DLEU7: variants seen among roughly 807,000 people sequenced by gnomAD.
The protein encoded by DLEU7 is leukemia-associated protein 7.
A neutral mutation model predicts 16.0 loss-of-function variants in DLEU7; 17 were observed. That is an observed-to-expected ratio of 1.06 (90% CI 0.73 to 1.59). The LOEUF is 1.59. Ranked by LOEUF, DLEU7 falls within the 40% of genes most tolerant of loss-of-function variation. The pLI, the probability that DLEU7 is intolerant of heterozygous loss-of-function variation, is 0.00. For missense variants in DLEU7, 308 were observed against 314.9 expected (o/e 0.98, Z 0.17); for synonymous variants, 113 against 139.8 (o/e 0.81, Z 1.35).
At position 50,803,947 on chromosome 13, in the gene DLEU7, C is replaced by T. The variant is rs868390915; in HGVS notation, c.459+39241G>A. Among the ~76,000 whole-genome samples, 23 of 152,054 alleles carry T rather than the reference C, an allele frequency of 1.5e-4. 2 individuals carry two copies. In the South Asian group the frequency reaches 2.1e-3, roughly 14 times the overall value. ...TACTACAATACTTTTAAAACTTTTC[C>T]ATGGTGGGTCCTAGTATTTTTATAT... On this transcript the variant is annotated intron_variant, in intron 1 of 1. Coordinates refer to the DLEU7 transcript ENST00000400393.
At chr13:50,740,193 G>A (rs2706239) in intron 1 of DLEU7, among the ~76,000 whole-genome samples, 25,904 of 152,066 alleles carry the variant, frequency 0.17, 2,374 homozygotes, top group African/African-American at 0.24. Context: ...ATTCCATCCT[G>A]ATGATGGGCA....
chr13:50,819,925 A>T (rs576464436), downstream of DLEU7, among the ~76,000 whole-genome samples: 13 of 152,154 alleles, frequency 8.5e-5, no homozygotes, highest in Non-Finnish European at 1.9e-4. Flanking sequence ...AAAAGGACCA[A>T]AACTGAGCCC....
intron 1 of DLEU7, among the ~76,000 whole-genome samples, chr13:50,736,400 G>C (rs9562995): frequency 0.096 from 14,587 of 152,008 alleles, 836 homozygotes; most frequent in East Asian, 0.21. Flanking sequence ...TAACTATCGG[G>C]TACCAGGCTT....
chr13:50,743,690 C>A (rs1277769675), intron 1 of DLEU7, among the ~76,000 whole-genome samples: 1 of 152,178 alleles, frequency 6.6e-6, no homozygotes, highest in African/African-American at 2.4e-5. Flanking sequence ...GATTAAGGAT[C>A]TAAGAGAGTG....
At chr13:50,778,440 G>T (rs1355375539) in intron 1 of DLEU7, among the ~76,000 whole-genome samples, 1 of 152,160 alleles carries the variant, frequency 6.6e-6, no homozygotes, top group African/African-American at 2.4e-5. Context: ...TCCTCCATCT[G>T]CTGCTTCCTC....
intron 1 of DLEU7, among the ~76,000 whole-genome samples, chr13:50,715,969 C>T (rs1873428839): frequency 1.3e-5 from 2 of 152,252 alleles, no homozygotes; most frequent in Admixed American, 1.3e-4. Flanking sequence ...GCTTCCCCTC[C>T]ACACCCTGCT....
chr13:50,717,787 TC>T (rs1008432789), intron 1 of DLEU7, among the ~76,000 whole-genome samples: 5 of 152,160 alleles, frequency 3.3e-5, no homozygotes, highest in Admixed American at 2.0e-4. Context: ...ACACTATGTC[TC>T]CCTTTCTGTT....
intron 1 of DLEU7, among the ~76,000 whole-genome samples, chr13:50,719,230 C>T (rs1873526386): frequency 6.6e-6 from 1 of 152,130 alleles, no homozygotes; most frequent in African/African-American, 2.4e-5. Context: ...TAGAAAGTGC[C>T]TATATAGTAA....
At chr13:50,790,172 A>G (rs950607601) in intron 1 of DLEU7, among the ~76,000 whole-genome samples, 3 of 151,854 alleles carry the variant, frequency 2.0e-5, no homozygotes, top group Non-Finnish European at 4.4e-5. Context: ...GCCTCAAGTG[A>G]TCCACCCTCC....
At chr13:50,816,856 C>A (rs537632372) in intron 1 of DLEU7, among the ~76,000 whole-genome samples, 1 of 152,076 alleles carries the variant, frequency 6.6e-6, no homozygotes, top group Non-Finnish European at 1.5e-5. Flanking sequence ...GCTTAGTGTA[C>A]CTCTTCCCCT....
rs1873774225 is a variant in DLEU7 at position 50,726,791 on chromosome 13, G to A, written c.460-13551C>T. Reference sequence around the variant, plus strand: ...CTTGACCATGCCCCCTACCTTCCTGGGCCTCAGGAAATGAAGATGGAACCA... The same window carrying A: ...CTTGACCATGCCCCCTACCTTCCTGAGCCTCAGGAAATGAAGATGGAACCA... On this transcript the variant is annotated intron_variant, in intron 1 of 1. Transcript: ENST00000400393. The surrounding 1 kb of genome is among the most constrained non-coding windows in gnomAD (Gnocchi z 4.0). Among the ~76,000 whole-genome samples the A allele has an allele frequency of 6.6e-6, 1 of 151,968 alleles. No homozygotes were observed. Among genetic ancestry groups the A allele is most frequent in the Non-Finnish European group, 1.5e-5 (1 of 67,988 alleles).
chr13:50,832,787 G>A (rs530966888), intron 1 of DLEU7, among the ~76,000 whole-genome samples: 7 of 152,156 alleles, frequency 4.6e-5, no homozygotes, highest in African/African-American at 7.2e-5. Context: ...GTAGTTGTGC[G>A]GTTCTGAGTG....
chr13:50,836,726 G>A (rs541694139), intron 1 of DLEU7, among the ~76,000 whole-genome samples: 2 of 152,082 alleles, frequency 1.3e-5, no homozygotes, highest in Admixed American at 1.3e-4. Context: ...AAGGAGGCAA[G>A]GAAGGAAGAA....
intron 1 of DLEU7, among the ~76,000 whole-genome samples, chr13:50,782,121 T>G (rs1875665479): frequency 6.6e-6 from 1 of 152,174 alleles, no homozygotes; most frequent in African/African-American, 2.4e-5. Context: ...TAACACTCTC[T>G]TCCCTCCGTT....
chr13:50,797,403 A>G (rs1365597968), intron 1 of DLEU7, among the ~76,000 whole-genome samples: 1 of 152,212 alleles, frequency 6.6e-6, no homozygotes, highest in East Asian at 1.9e-4. Context: ...GGTTCCAGAC[A>G]CGGGAGCCTT....
chr13:50,764,892 G>GTTTTC lies in DLEU7; in HGVS notation c.460-51653_460-51652insGAAAA, dbSNP rs1555290701. Among the ~76,000 whole-genome samples the GTTTTC allele has an allele frequency of 9.0e-4, 137 of 152,018 alleles. 2 individuals are homozygous for GTTTTC. Among genetic ancestry groups the GTTTTC allele is most frequent in the Admixed American group, 8.4e-3 (129 of 15,280 alleles). On this transcript the variant is annotated intron_variant, in intron 1 of 1. Coordinates refer to the DLEU7 transcript ENST00000400393. Reference sequence around the variant, plus strand: ...TTTTGGGTTTGTTTTGTTTTGTTTTGTTTTGTTTGAGACAGAGTCTCACTC... The same window carrying GTTTTC: ...TTTTGGGTTTGTTTTGTTTTGTTTTGTTTTCTTTTGTTTGAGACAGAGTCTCACTC...
At chr13:50,768,097 T>C (rs1333610253) in intron 1 of DLEU7, among the ~76,000 whole-genome samples, 1 of 152,192 alleles carries the variant, frequency 6.6e-6, no homozygotes, top group Non-Finnish European at 1.5e-5. Flanking sequence ...TCTGAATTTT[T>C]ATTTGGTATT....
chr13:50,757,307 G>A (rs987250046), intron 1 of DLEU7, among the ~76,000 whole-genome samples: 3 of 152,148 alleles, frequency 2.0e-5, no homozygotes, highest in Non-Finnish European at 4.4e-5. Flanking sequence ...TGAGGCAGAC[G>A]AACTAGTTGG....
At chr13:50,766,054 G>A (rs1484564851) in intron 1 of DLEU7, among the ~76,000 whole-genome samples, 37 of 152,188 alleles carry the variant, frequency 2.4e-4, no homozygotes, top group Admixed American at 2.3e-3. Flanking sequence ...AGAAAAGGAT[G>A]CGTGTAGCTT....
Sources: gnomAD v4.1 joint callset for allele counts (sites outside exome capture counted in the v4.1 genomes callset) on GRCh38, gnomAD v4.1.1 for gene constraint, Gnocchi (gnomAD v3.1) non-coding constraint, MANE v1.5 for transcripts, NCBI Gene and HGNC (gene_info 2026-07-23, HGNC 2026-07-21) for gene names.